UNKL: variants seen among roughly 807,000 people sequenced by gnomAD.
UNKL encodes unk like zinc finger.
UNKL carries 60 observed loss-of-function variants against 78.0 expected under a neutral mutation model. The observed-to-expected ratio is 0.77, with a 90% CI of 0.63 to 0.95. UNKL has a LOEUF of 0.95. Among genes scored for constraint, UNKL ranks in the 40% least tolerant of loss-of-function variants. The pLI is 0.00. For missense variants in UNKL, 1,159 were observed against 1,045.7 expected (o/e 1.11, Z -1.49); for synonymous variants, 608 against 474.8 (o/e 1.28, Z -3.65).
intron 8 of UNKL, among the ~76,000 whole-genome samples, 172 bp from the exon 9 acceptor site, chr16:1,390,866 C>T (rs2037018256): frequency 6.6e-6 from 1 of 152,010 alleles, no homozygotes; most frequent in South Asian, 2.1e-4. Context: ...CCTGTCTCTA[C>T]TAAAAACACA....
intron 6 of UNKL, 33 bp downstream of exon 6, chr16:1,397,145 G>T (rs1442717134): frequency 1.1e-5 from 17 of 1,538,476 alleles, no homozygotes; most frequent in Non-Finnish European, 1.5e-5. Flanking sequence ...ACCTTCCAGC[G>T]ACCCCTACGC....
intron 2 of UNKL, among the ~76,000 whole-genome samples, chr16:1,409,623 A>G (rs764816291): frequency 1.3e-5 from 2 of 152,164 alleles, no homozygotes; most frequent in Non-Finnish European, 2.9e-5. Flanking sequence ...CAGCAGGCTA[A>G]TATTTTTGTA....
At position 1,385,327 on chromosome 16, in the gene UNKL, A is replaced by T; in HGVS notation, c.1145T>A (p.Val382Glu). The change falls in exon 10 of 15, where the codon GTG (valine) becomes GAG (glutamate). Residue 382 changes from valine (V) to glutamate (E), a missense_variant. Physicochemically the swap from Val to Glu is moderately radical, Grantham distance 121. Transcript: ENST00000389221. Reference protein sequence around the residue: ...HPPAPSVSSSVASSLASSAGS... With the variant: ...HPPAPSVSSSEASSLASSAGS... ...GGCGCTGGACGCCAGGCTGGACGCC[A>T]CGCTGGAGCTCACGCTGGGGGCCGG... 2 of 1,425,314 alleles carry T rather than the reference A, an allele frequency of 1.4e-6. No homozygotes were observed. 88.3% of individuals were successfully genotyped at this position (1,425,314 alleles called of 1,614,324 possible). A position where few individuals can be genotyped will look rare whatever the true frequency, so the allele number is the denominator to read the frequency against.
chr16:1,369,126 G>A (rs538790163), intron 12 of UNKL, among the ~76,000 whole-genome samples: 3 of 136,300 alleles, frequency 2.2e-5, no homozygotes, highest in African/African-American at 8.0e-5. Flanking sequence ...TTGGAGTGCA[G>A]TGGCACAATC....
At chr16:1,398,544 C>T (rs898509354) in intron 5 of UNKL, 13 of 1,346,824 alleles carry the variant, frequency 9.7e-6, no homozygotes, top group South Asian at 4.7e-5. Context: ...AGGTGCTCTC[C>T]GGGGCATGCG....
At chr16:1,388,574 A>G (rs1365039227) in intron 9 of UNKL, among the ~76,000 whole-genome samples, 1 of 152,034 alleles carries the variant, frequency 6.6e-6, no homozygotes, top group African/African-American at 2.4e-5. Context: ...AGCCCAAACG[A>G]TCACCTGAAA....
rs2035436164 is a variant in UNKL, at chr16:1,367,841, C to T, written c.1603G>A (p.Gly535Arg). 8.3e-6 allele frequency: 13 copies of T among 1,571,140 alleles called. No homozygotes were observed. Among genetic ancestry groups the T allele is most frequent in the East Asian group, 2.4e-5 (1 of 42,464 alleles). Residue 535 changes from glycine to arginine, a missense_variant, in exon 13 of 15, where the codon GGG (glycine) becomes AGG (arginine). Physicochemically the swap from Gly to Arg is moderately radical, Grantham distance 125 (BLOSUM62 -2). Transcript: ENST00000389221. ...YSPLGLNGVPGSIWDFVSGSF... is the reference protein window; with the variant it reads ...YSPLGLNGVPRSIWDFVSGSF... ...CCGGAAACAAAGTCCCAGATGCTCC[C>T]GGGGACACCGTTCAAACCTGAGTGT... is the stretch of plus-strand genomic sequence containing the variant.
Position 1,386,841 on chromosome 16 carries a change from T to TGC in UNKL, c.1087-1458_1087-1457dup, listed in dbSNP as rs1182028939. ...GCCCCTCAGCCCACGGCCCAGGAGGTGCACAGAGCCCCCCGTGACTGACTC... is the reference window on the plus strand; with the variant it reads ...GCCCCTCAGCCCACGGCCCAGGAGGTGCGCACAGAGCCCCCCGTGACTGACTC... On this transcript the variant is annotated intron_variant, in intron 9 of 14. Coordinates refer to ENST00000389221, the MANE Select transcript of UNKL (RefSeq NM_001372107.1). 2.6e-5 allele frequency among the ~76,000 whole-genome samples: 4 copies of TGC among 151,862 alleles called. No individual in the cohort carries two copies. In the East Asian group the frequency reaches 7.7e-4, roughly 29 times the overall value.
chr16:1,394,370 C>T (rs747993863), intron 6 of UNKL, 155 bp from the exon 7 acceptor site: 2 of 859,616 alleles, frequency 2.3e-6, no homozygotes, highest in Non-Finnish European at 3.8e-6. Flanking sequence ...TCCACGTGTG[C>T]CCTTGGTCCC....
intron 10 of UNKL, among the ~76,000 whole-genome samples, chr16:1,372,092 CAAAA>C (rs11342892): frequency 6.9e-6 from 1 of 145,476 alleles, no homozygotes; most frequent in African/African-American, 2.5e-5. Context: ...CCGTCTCAAC[CAAAA>C]AAAAAAAAAT....
At chr16:1,375,825 G>A (rs73487851) in intron 10 of UNKL, among the ~76,000 whole-genome samples, 3 of 152,166 alleles carry the variant, frequency 2.0e-5, no homozygotes, top group Admixed American at 1.3e-4. Flanking sequence ...TTCACAGGAC[G>A]GTGGCGTCCC....
At position 1,385,291 on chromosome 16, in the gene UNKL, C is replaced by A. The variant is rs1300597394; in HGVS notation, c.1181G>T (p.Ser394Ile). 8.0e-6 allele frequency: 11 copies of A among 1,372,284 alleles called. No homozygotes were observed. Among genetic ancestry groups the A allele is most frequent in the Non-Finnish European group, 9.4e-6 (10 of 1,068,582 alleles). The allele number at this position is 1,372,284 out of a possible 1,614,324, so 85.0% of individuals were successfully genotyped here. A position where few individuals can be genotyped will look rare whatever the true frequency, so the allele number is the denominator to read the frequency against. Residue 394 changes from serine (S) to isoleucine (I), a missense_variant, in exon 10 of 15, where the codon AGC (serine) becomes ATC (isoleucine). Ser to Ile is a moderately radical substitution (Grantham distance 142). Coordinates refer to ENST00000389221, the MANE Select transcript of UNKL (RefSeq NM_001372107.1). ...SSLASSAGSGSSSPTALPAPP... is the reference protein window; with the variant it reads ...SSLASSAGSGISSPTALPAPP... The stretch of plus-strand genomic sequence containing the variant: ...CGCGGGCAGCGCAGTGGGGGAGGAG[C>A]TGCCGGAGCCGGCGCTGGACGCCAG...
At chr16:1,397,086 T>C in intron 6 of UNKL, 92 bp downstream of exon 6, 1 of 1,383,894 alleles carries the variant, frequency 7.2e-7, no homozygotes, top group Non-Finnish European at 9.9e-7. Flanking sequence ...AGTTAATCAC[T>C]GTTCCTTCTG....
intron 10 of UNKL, among the ~76,000 whole-genome samples, chr16:1,377,686 C>T (rs529820136): frequency 2.5e-4 from 38 of 152,318 alleles, no homozygotes; most frequent in African/African-American, 8.9e-4. Context: ...GGCCTGGACC[C>T]GCCCAACACA....
At chr16:1,402,147 AAGC>A (rs150349576) in intron 3 of UNKL, among the ~76,000 whole-genome samples, 177 of 151,442 alleles carry the variant, frequency 1.2e-3, no homozygotes, top group African/African-American at 3.9e-3. Context: ...TTCTCCTGGA[AAGC>A]AGCAGTGCCT....
intron 10 of UNKL, among the ~76,000 whole-genome samples, chr16:1,379,923 C>CCCTGCCCACCTGCA (rs2036533178): frequency 6.6e-6 from 1 of 152,212 alleles, no homozygotes; most frequent in South Asian, 2.1e-4. Flanking sequence ...GCTCCTCCTG[C>CCCTGCCCACCTGCA]CCTGCCCACC....
Position 1,385,233 on chromosome 16 carries a change from G to C in UNKL, c.1239C>G (p.Ala413=), listed in dbSNP as rs1409853569. ...CGAGGACGGCCTCCACAGTGCTGCT[G>C]GCGGGGCCGAGCGGGAGGGCACGGG... is the stretch of plus-strand genomic sequence containing the variant. ...PPARALPLGP[A]SSTVEAVLGS... Residue 413 remains alanine (A), a synonymous_variant, in exon 10 of 15, where the codon GCC becomes GCG. Transcript: ENST00000389221. The C allele has an allele frequency of 1.5e-6, 2 of 1,302,130 alleles. No individual in the cohort carries two copies. The highest frequency in any genetic ancestry group is 1.9e-6 in the Non-Finnish European group (2 of 1,027,364). 80.7% of individuals were successfully genotyped at this position (1,302,130 alleles called of 1,614,324 possible).
intron 9 of UNKL, among the ~76,000 whole-genome samples, chr16:1,386,420 G>A (rs1230323372): frequency 6.6e-6 from 1 of 152,108 alleles, no homozygotes; most frequent in Admixed American, 6.6e-5. Flanking sequence ...CGGGCGTGGT[G>A]GTGGGCGCCT....
intron 7 of UNKL, among the ~76,000 whole-genome samples, chr16:1,393,618 G>C (rs530231289): frequency 3.3e-5 from 5 of 152,202 alleles, no homozygotes; most frequent in Non-Finnish European, 7.4e-5. Context: ...GACAGCAAAC[G>C]GGCTCTGGAA....
Sources: allele counts gnomAD v4.1 joint callset (sites outside exome capture counted in the v4.1 genomes callset), GRCh38; gene constraint gnomAD v4.1.1; transcripts MANE v1.5; gene names NCBI Gene and HGNC (gene_info 2026-07-23, HGNC 2026-07-21).